Variants in DNAAF4 observed in about 807,000 individuals in gnomAD.
DNAAF4 encodes dynein assembly factor 4, axonemal.
Under a neutral mutation model 51.8 loss-of-function variants are expected in DNAAF4, and 43 were observed. The ratio of observed to expected loss-of-function variants is 0.83; its 90% confidence interval spans 0.65 to 1.07. The LOEUF is 1.07. DNAAF4 is among the 50% of genes least tolerant of loss of function. The pLI is 0.00. For synonymous variants in DNAAF4, 194 were observed against 165.6 expected, an observed-to-expected ratio of 1.17 and a Z score of -1.32; for missense variants, 581 against 493.0, an observed-to-expected ratio of 1.18 and a Z score of -1.69.
chr15:55,418,234 T>C, intron 7 of DNAAF4: 1 of 1,571,822 alleles, frequency 6.4e-7, no homozygotes, highest in Non-Finnish European at 8.6e-7. Context: ...ATAAGAAAAG[T>C]ACTTCACCTT....
chr15:55,507,156 A>G (rs2058731456), intron 1 of DNAAF4, among the ~76,000 whole-genome samples: 2 of 152,134 alleles, frequency 1.3e-5, no homozygotes, highest in South Asian at 4.1e-4. Context: ...TGGCCTTTAT[A>G]AAACTTTTGA....
At chr15:55,428,426 G>C (rs534744672), downstream of DNAAF4, among the ~76,000 whole-genome samples, 6 of 151,076 alleles carry the variant, frequency 4.0e-5, no homozygotes, top group Admixed American at 2.6e-4. Context: ...AGGACAGCTT[G>C]GAGGTTAAAA....
At chr15:55,496,907 A>G (rs2058648223) in intron 3 of DNAAF4, among the ~76,000 whole-genome samples, 1 of 152,184 alleles carries the variant, frequency 6.6e-6, no homozygotes, top group Non-Finnish European at 1.5e-5. Context: ...CAGATTTTCC[A>G]AAGGAACCCA....
intron 7 of DNAAF4, among the ~76,000 whole-genome samples, chr15:55,422,038 G>A (rs1234989028): frequency 6.6e-6 from 1 of 151,370 alleles, no homozygotes; most frequent in Non-Finnish European, 1.5e-5. Context: ...CAAAAAGCAT[G>A]TATAAATACA....
At position 55,466,936 on chromosome 15, in the gene DNAAF4, G is replaced by C; in HGVS notation, c.631C>G (p.Pro211Ala). The change falls in exon 5 of 10, where the codon CCA becomes GCA. Residue 211 changes from proline (P) to alanine (A), a missense_variant. Physicochemically the swap from Pro to Ala is conservative, Grantham distance 27. Coordinates refer to ENST00000321149, the MANE Select transcript of DNAAF4 (RefSeq NM_130810.4). ...TRNLASRNLA[P>A]KGRNSENIFT... ...AAATTCTTAATCATTTTACCTTTTG[G>C]AGCAAGATTTCTAGATGCCAAATTT... 6.3e-7 allele frequency: 1 copy of C among 1,583,742 alleles called. No homozygotes were observed. Among genetic ancestry groups the C allele is most frequent in the Non-Finnish European group, 8.5e-7 (1 of 1,173,038 alleles).
intron 1 of DNAAF4, among the ~76,000 whole-genome samples, chr15:55,502,559 A>G (rs992949353): frequency 6.6e-6 from 1 of 152,102 alleles, no homozygotes; most frequent in South Asian, 2.1e-4. Context: ...TGTATTGTTA[A>G]TCTCTCTTTT....
Position 55,508,199 on chromosome 15 carries a change from T to G in DNAAF4, c.-333A>C, listed in dbSNP as rs1164021832. ...GCATGCTGGGGCCAGAGTAGTCTGC[T>G]GGATCCATGGTGTGGGTTTGCATAA... is the stretch of plus-strand genomic sequence containing the variant. On this transcript the variant is annotated 5_prime_UTR_variant, in exon 1 of 10. Coordinates refer to ENST00000321149, the MANE Select transcript of DNAAF4 (RefSeq NM_130810.4). 1.3e-5 allele frequency: 2 copies of G among 152,252 alleles called. No individual in the cohort carries two copies. The highest frequency in any genetic ancestry group is 4.8e-5 in the African/African-American group (2 of 41,466). 9.4% of individuals were successfully genotyped at this position (152,252 alleles called of 1,614,324 possible).
chr15:55,421,674 G>A (rs1295690319), intron 7 of DNAAF4, among the ~76,000 whole-genome samples: 1 of 151,534 alleles, frequency 6.6e-6, no homozygotes, highest in Admixed American at 6.6e-5. Context: ...ATCACCTAAG[G>A]TCAGGAGTTC....
intron 5 of DNAAF4, among the ~76,000 whole-genome samples, chr15:55,451,160 G>C (rs1190974008): frequency 6.6e-6 from 1 of 152,172 alleles, no homozygotes; most frequent in Non-Finnish European, 1.5e-5. Context: ...ACTGGGGCAA[G>C]GGGGGAAGGA....
chr15:55,436,367 C>A (rs2057610508), intron 7 of DNAAF4, among the ~76,000 whole-genome samples: 1 of 151,942 alleles, frequency 6.6e-6, no homozygotes, highest in Admixed American at 6.6e-5. Context: ...AAGTTCTTTG[C>A]CCATTATTAT....
At chr15:55,480,493 T>C (rs2058394383) in intron 4 of DNAAF4, among the ~76,000 whole-genome samples, 1 of 152,038 alleles carries the variant, frequency 6.6e-6, no homozygotes, top group Non-Finnish European at 1.5e-5. Context: ...GTGGGACTAG[T>C]TCCTACTTAC....
At chr15:55,421,050 C>T (rs946834660) in intron 7 of DNAAF4, among the ~76,000 whole-genome samples, 1 of 151,798 alleles carries the variant, frequency 6.6e-6, no homozygotes, top group East Asian at 1.9e-4. Context: ...ATTAGCCAGG[C>T]GTGGTGGTGT....
At chr15:55,493,062 T>C (rs2058595917) in intron 3 of DNAAF4, among the ~76,000 whole-genome samples, 1 of 152,136 alleles carries the variant, frequency 6.6e-6, no homozygotes, top group East Asian at 1.9e-4. Flanking sequence ...TGAGGCCTTT[T>C]GGGAGGTAGT....
intron 6 of DNAAF4, chr15:55,442,886 C>T: frequency 6.2e-7 from 1 of 1,612,330 alleles, no homozygotes; most frequent in Non-Finnish European, 8.5e-7. Flanking sequence ...ATCATGGTTG[C>T]AATGGCACCT....
intron 1 of DNAAF4, among the ~76,000 whole-genome samples, chr15:55,502,035 C>A (rs1194777915): frequency 1.3e-5 from 2 of 150,868 alleles, no homozygotes; most frequent in African/African-American, 4.9e-5. Flanking sequence ...AAGAGCAAGA[C>A]TCTGTCTCAA....
At chr15:55,502,707 G>A (rs897619162) in intron 1 of DNAAF4, among the ~76,000 whole-genome samples, 4 of 152,142 alleles carry the variant, frequency 2.6e-5, no homozygotes, top group Non-Finnish European at 1.5e-5. Context: ...CAGAAATAAA[G>A]ATGTTATTTG....
chr15:55,441,101 G>A (rs184182860), intron 6 of DNAAF4, among the ~76,000 whole-genome samples: 29 of 150,262 alleles, frequency 1.9e-4, no homozygotes, highest in East Asian at 7.9e-4. Flanking sequence ...TGAGACAGTC[G>A]CACTCTGTCC....
At chr15:55,452,862 G>A (rs905994811) in intron 5 of DNAAF4, among the ~76,000 whole-genome samples, 10 of 152,262 alleles carry the variant, frequency 6.6e-5, no homozygotes, top group Admixed American at 1.3e-4. Context: ...TGCTGATATA[G>A]GTACAGAGGT....
chr15:55,418,828 T>G (rs1445689658), intron 7 of DNAAF4: 1 of 312,430 alleles, frequency 3.2e-6, no homozygotes, highest in African/African-American at 2.2e-5. Flanking sequence ...TTTTATTTAC[T>G]TATCTATTGA....
Sources: allele counts gnomAD v4.1 joint callset (sites outside exome capture counted in the v4.1 genomes callset), GRCh38; gene constraint gnomAD v4.1.1; transcripts MANE v1.5; gene names NCBI Gene and HGNC (gene_info 2026-07-23, HGNC 2026-07-21).